RAB33A: variants seen among roughly 807,000 people sequenced by gnomAD.
RAB33A encodes RAB33A, member RAS oncogene family.
Under a neutral mutation model 12.0 loss-of-function variants are expected in RAB33A, and 6 were observed. The observed-to-expected ratio is 0.50, with a 90% confidence interval of 0.27 to 0.99. The LOEUF is 0.99. Among genes scored for constraint, RAB33A ranks in the 50% least tolerant of loss-of-function variants. The pLI is 0.11. For synonymous variants in RAB33A, 70 were observed against 82.4 expected, an observed-to-expected ratio of 0.85 and a Z score of 0.81; for missense variants, 109 against 192.0, an observed-to-expected ratio of 0.57 and a Z score of 2.55.
chrX:130,171,412 AT>A (rs2031604083), upstream of RAB33A, among the ~76,000 whole-genome samples: 1 of 112,110 alleles, frequency 8.9e-6, no homozygotes, highest in Non-Finnish European at 1.9e-5. Context: ...CCCCCACCCC[AT>A]CCCCGCAGAG....
the RAB33A span, among the ~76,000 whole-genome samples, chrX:130,158,736 CA>C: frequency 6.1e-4 from 48 of 79,245 alleles, no homozygotes; most frequent in East Asian, 0.017. Context: ...AAAAAAATCG[CA>C]AAAAAATCTC....
At chrX:130,145,707 C>A in the RAB33A span, 1 of 511,846 alleles carries the variant, frequency 2.0e-6, no homozygotes, top group Non-Finnish European at 3.4e-6. Context: ...TCTATTAAAT[C>A]ATGGTCATGA....
At chrX:130,174,880 C>T (rs970324616) in intron 1 of RAB33A, among the ~76,000 whole-genome samples, 2 of 110,641 alleles carry the variant, frequency 1.8e-5, no homozygotes, top group African/African-American at 6.6e-5. Context: ...GGTATTGAAG[C>T]CCCATTTGCT....
At chrX:130,119,346 G>A in the RAB33A span, among the ~76,000 whole-genome samples, 6 of 111,929 alleles carry the variant, frequency 5.4e-5, no homozygotes, top group Non-Finnish European at 7.5e-5. Flanking sequence ...GACCCCATTA[G>A]CTCCCATTAT....
At chrX:130,171,893 TCA>T (rs1376031648), upstream of RAB33A, 6 of 525,492 alleles carry the variant, frequency 1.1e-5, no homozygotes, top group East Asian at 7.9e-5. Flanking sequence ...GGCACCCCCT[TCA>T]CGCGCGCGCG....
the RAB33A span, among the ~76,000 whole-genome samples, chrX:130,110,963 A>C: frequency 1.3e-5 from 1 of 78,757 alleles, no homozygotes; most frequent in Non-Finnish European, 2.4e-5. Context: ...GAGGGAGGGA[A>C]GAGCCGGAGG....
At chrX:130,182,208 C>CAATATATATAACATATATATGT (rs1240769359) in intron 1 of RAB33A, among the ~76,000 whole-genome samples, 5 of 84,456 alleles carry the variant, frequency 5.9e-5, no homozygotes, top group Admixed American at 2.9e-4. Context: ...TATATACACA[C>CAATATATATAACATATATATGT]AATATATATA....
the RAB33A span, among the ~76,000 whole-genome samples, chrX:130,111,632 T>A: frequency 1.8e-4 from 20 of 110,953 alleles, no homozygotes; most frequent in Admixed American, 1.9e-4. Flanking sequence ...TGGCAAGATA[T>A]GAGTCAGGGG....
At chrX:130,168,673 G>A (rs184151623), upstream of RAB33A, among the ~76,000 whole-genome samples, 1 of 112,026 alleles carries the variant, frequency 8.9e-6, no homozygotes, top group Non-Finnish European at 1.9e-5. Context: ...TTACACGTGT[G>A]AGCCACTGTG....
At chrX:130,161,909 C>T in the RAB33A span, among the ~76,000 whole-genome samples, 1 of 112,137 alleles carries the variant, frequency 8.9e-6, no homozygotes, top group Non-Finnish European at 1.9e-5. Context: ...GCCTAGCTAT[C>T]AGCCTTTTTT....
the RAB33A span, among the ~76,000 whole-genome samples, chrX:130,150,806 C>A: frequency 9.7e-6 from 1 of 102,854 alleles, no homozygotes; most frequent in Non-Finnish European, 2.0e-5. Context: ...GAAACCCCAT[C>A]TCTACTAAAA....
the RAB33A span, chrX:130,129,608 C>T: frequency 8.3e-7 from 1 of 1,209,946 alleles, no homozygotes; most frequent in Non-Finnish European, 1.1e-6. Context: ...GATCTTCATG[C>T]TGCTCACCGT....
chrX:130,113,077 C>CTTTTTTTTT, the RAB33A span, among the ~76,000 whole-genome samples: 40 of 46,969 alleles, frequency 8.5e-4, 1 homozygote, highest in South Asian at 1.7e-3. Flanking sequence ...TTTTTTCCTT[C>CTTTTTTTTT]TTTTTTTTTT....
At chrX:130,173,117 C>G (rs2031629580) in intron 1 of RAB33A, among the ~76,000 whole-genome samples, 1 of 112,123 alleles carries the variant, frequency 8.9e-6, no homozygotes, top group Non-Finnish European at 1.9e-5. Flanking sequence ...TCCTCCCCCT[C>G]CATGAGTTTA....
rs61667570 is a variant in RAB33A, at chrX:130,182,181, T to C, written c.259-2104T>C. Reference sequence around the variant, plus strand: ...AAATATATATATATATATATATATATACACATATATATAACATATATACAC... The same window carrying C: ...AAATATATATATATATATATATATACACACATATATATAACATATATACAC... On this transcript the variant is annotated intron_variant, in intron 1 of 1. Coordinates refer to ENST00000257017, the MANE Select transcript of RAB33A (RefSeq NM_004794.3). Among the ~76,000 whole-genome samples, 730 of 77,467 alleles carry C rather than the reference T, an allele frequency of 9.4e-3. 10 individuals are homozygous for C. Among genetic ancestry groups the C allele is most frequent in the African/African-American group, 0.031 (533 of 17,359 alleles). The allele number at this position is 77,467 out of a possible 115,157, so 67.3% of individuals were successfully genotyped here.
chrX:130,119,324 T>C, the RAB33A span, among the ~76,000 whole-genome samples: 2 of 111,819 alleles, frequency 1.8e-5, no homozygotes, highest in South Asian at 3.7e-4. Context: ...CTTGGACCCG[T>C]GGTTAGCACG....
chrX:130,150,977 CAAA>C, the RAB33A span, among the ~76,000 whole-genome samples: 21 of 27,794 alleles, frequency 7.6e-4, no homozygotes, highest in African/African-American at 3.6e-3. Flanking sequence ...GACTCTGTCT[CAAA>C]AAAAAAAAAA....
the RAB33A span, among the ~76,000 whole-genome samples, chrX:130,143,344 C>T: frequency 8.9e-6 from 1 of 112,218 alleles, no homozygotes; most frequent in East Asian, 2.8e-4. Context: ...TGAATTTTAT[C>T]TTCCCCCTTA....
chrX:130,167,808 C>A (rs895714027), upstream of RAB33A, among the ~76,000 whole-genome samples: 18 of 109,920 alleles, frequency 1.6e-4, no homozygotes, highest in Non-Finnish European at 3.4e-4. Flanking sequence ...CAGATTTGAA[C>A]TGGCAAGAGT....
Sources: gnomAD v4.1 joint callset for allele counts (sites outside exome capture counted in the v4.1 genomes callset) on GRCh38, gnomAD v4.1.1 for gene constraint, MANE v1.5 for transcripts, NCBI Gene and HGNC (gene_info 2026-07-23, HGNC 2026-07-21) for gene names.